ROBO2: variants seen among roughly 807,000 people sequenced by gnomAD.
The protein encoded by ROBO2 is roundabout homolog 2.
A neutral mutation model predicts 160.8 loss-of-function variants in ROBO2; 53 were observed. The ratio of observed to expected loss-of-function variants is 0.33; its 90% confidence interval spans 0.26 to 0.41. ROBO2 has a LOEUF of 0.41. Ranked by LOEUF, ROBO2 falls within the 10% of genes least tolerant of loss-of-function variation. The pLI is 1.00. For missense variants in ROBO2, 1,577 were observed against 1,722.4 expected (o/e 0.92, Z 1.49); for synonymous variants, 664 against 611.7 (o/e 1.09, Z -1.26).
rs541865035 is a variant in ROBO2, at chr3:76,170,027, G to A, written c.109+232425G>A. 3.3e-5 allele frequency among the ~76,000 whole-genome samples: 5 copies of A among 152,140 alleles called. No homozygotes were observed. In the East Asian group the frequency reaches 7.7e-4, roughly 24 times the overall value. On this transcript the variant is annotated intron_variant, in intron 2 of 26. Coordinates refer to the ROBO2 transcript ENST00000487694. ...GATCTCCTGACCTCATGATCCACTC[G>A]GCTCAGCCTCCCAACGTGCTGGGAT...
intron 2 of ROBO2, among the ~76,000 whole-genome samples, chr3:76,900,144 T>C (rs13085650): frequency 0.21 from 31,674 of 152,036 alleles, 3,492 homozygotes; most frequent in Non-Finnish European, 0.25. Context: ...ACCAGCAGAT[T>C]TCATGAGCCT....
In ROBO2 at chr3:77,247,150, A is replaced by T. The variant is rs532472612; in HGVS notation, c.388+148810A>T. On this transcript the variant is annotated intron_variant, in intron 2 of 25. Transcript: ENST00000461745. ...CTGTACAGACTGAATTCTTTAGTCC[A>T]TGTCTCGAGTTTTAAGTTTTCCATG... Among the ~76,000 whole-genome samples the T allele has an allele frequency of 2.6e-5, 4 of 152,212 alleles. No homozygotes were observed. In the East Asian group the frequency reaches 7.7e-4, roughly 29 times the overall value.
chr3:77,043,333 AT>A (rs1265335218), intron 1 of ROBO2, among the ~76,000 whole-genome samples: 1 of 152,198 alleles, frequency 6.6e-6, no homozygotes, highest in East Asian at 1.9e-4. Context: ...CTAGACACAG[AT>A]ATTAATTTTA....
intron 1 of ROBO2, among the ~76,000 whole-genome samples, chr3:77,059,539 A>G (rs2066085902): frequency 6.6e-6 from 1 of 152,204 alleles, no homozygotes. Context: ...GAAAGACCCT[A>G]TTTAAAGGTT....
intron 2 of ROBO2, among the ~76,000 whole-genome samples, chr3:76,670,124 A>T (rs867923382): frequency 6.6e-6 from 1 of 152,174 alleles, no homozygotes; most frequent in African/African-American, 2.4e-5. Context: ...TTTATGCAAA[A>T]TACCTTGTAT....
At chr3:76,087,276 A>T (rs559939710) in intron 2 of ROBO2, among the ~76,000 whole-genome samples, 4 of 152,162 alleles carry the variant, frequency 2.6e-5, no homozygotes, top group South Asian at 2.1e-4. Flanking sequence ...CCAGATTTTT[A>T]AAATACCTTA....
At chr3:77,098,779 C>G (rs942834882) in intron 2 of ROBO2, among the ~76,000 whole-genome samples, 1 of 152,014 alleles carries the variant, frequency 6.6e-6, no homozygotes, top group African/African-American at 2.4e-5. Flanking sequence ...TGGTGTGAAC[C>G]CGGGAGGCGG....
In ROBO2 at chr3:76,537,908, G is replaced by C. The variant is rs374871363; in HGVS notation, c.110-560106G>C. On this transcript the variant is annotated intron_variant, in intron 2 of 26. Coordinates refer to the ROBO2 transcript ENST00000487694. ...AAGGTGCATGGTGGAGAGACCATGA[G>C]ACTCACTGTCCAGGAGAAGAATGTC... 2.8e-4 allele frequency among the ~76,000 whole-genome samples: 42 copies of C among 152,190 alleles called. 2 individuals are homozygous for C. Among genetic ancestry groups the C allele is most frequent in the South Asian group, 2.7e-3 (13 of 4,820 alleles).
chr3:77,373,052 T>A (rs1481302198), intron 2 of ROBO2, among the ~76,000 whole-genome samples: 1 of 146,710 alleles, frequency 6.8e-6, no homozygotes, highest in Non-Finnish European at 1.5e-5. Context: ...TATAATAAAA[T>A]AAATTTTATA....
At chr3:75,984,726 G>A (rs540633498) in intron 2 of ROBO2, among the ~76,000 whole-genome samples, 4 of 151,290 alleles carry the variant, frequency 2.6e-5, no homozygotes, top group African/African-American at 7.3e-5. Context: ...AGAAGTTAAC[G>A]CTACTGGTCA....
intron 2 of ROBO2, among the ~76,000 whole-genome samples, chr3:76,153,944 T>C (rs2072307614): frequency 6.6e-6 from 1 of 152,098 alleles, no homozygotes; most frequent in Non-Finnish European, 1.5e-5. Flanking sequence ...TTGATAGTAC[T>C]TCGAGCCTAT....
rs9880848 is a variant in ROBO2, at chr3:76,698,101, C to T, written c.110-399913C>T. Among the ~76,000 whole-genome samples the T allele has an allele frequency of 5.0e-3, 656 of 131,854 alleles. 2 individuals carry two copies. Among genetic ancestry groups the T allele is most frequent in the South Asian group, 0.017 (69 of 4,172 alleles). 86.5% of individuals were successfully genotyped at this position (131,854 alleles called of 152,430 possible). Reference sequence around the variant, plus strand: ...GGAAGAATTGGATGTAGAATGCCTGCAGAAGCTCTTCTATTTTATTCACTG... The same window carrying T: ...GGAAGAATTGGATGTAGAATGCCTGTAGAAGCTCTTCTATTTTATTCACTG... On this transcript the variant is annotated intron_variant, in intron 2 of 26. Coordinates refer to the ROBO2 transcript ENST00000487694.
intron 2 of ROBO2, among the ~76,000 whole-genome samples, chr3:77,438,857 C>G (rs2079607427): frequency 6.6e-6 from 1 of 151,874 alleles, no homozygotes; most frequent in Admixed American, 6.6e-5. Context: ...TACTAAATAA[C>G]TATCATATAA....
intron 2 of ROBO2, among the ~76,000 whole-genome samples, chr3:76,043,279 C>T (rs2067334873): frequency 6.6e-6 from 1 of 151,726 alleles, no homozygotes; most frequent in Non-Finnish European, 1.5e-5. Flanking sequence ...ACATACTGTG[C>T]CCTGGAATAG....
At chr3:76,727,866 A>G (rs555785221) in intron 2 of ROBO2, among the ~76,000 whole-genome samples, 13 of 152,312 alleles carry the variant, frequency 8.5e-5, no homozygotes, top group Non-Finnish European at 1.6e-4. Context: ...GTTAACAACA[A>G]TGTATGGTAT....
intron 2 of ROBO2, among the ~76,000 whole-genome samples, chr3:77,200,321 A>T (rs200728970): frequency 0.034 from 1,859 of 54,814 alleles, 132 homozygotes; most frequent in East Asian, 0.29. Context: ...ATATATATAT[A>T]TTTTAGTTTC....
intron 2 of ROBO2, among the ~76,000 whole-genome samples, chr3:77,327,961 G>T (rs192492911): frequency 6.7e-6 from 1 of 149,522 alleles, no homozygotes; most frequent in Non-Finnish European, 1.5e-5. Context: ...TGAGGCATGA[G>T]AATCGCTTGA....
intron 2 of ROBO2, among the ~76,000 whole-genome samples, chr3:77,028,848 C>T (rs1461806016): frequency 2.6e-5 from 4 of 152,242 alleles, no homozygotes; most frequent in African/African-American, 9.6e-5. Flanking sequence ...GACATATTCT[C>T]TGTACCTTTT....
chr3:76,629,738 T>C (rs1578696178), intron 2 of ROBO2, among the ~76,000 whole-genome samples: 2 of 152,260 alleles, frequency 1.3e-5, no homozygotes, highest in Middle Eastern at 6.8e-3. Context: ...ATATTAACCA[T>C]CACACCAGTC....
Sources: allele counts gnomAD v4.1 joint callset (sites outside exome capture counted in the v4.1 genomes callset), GRCh38; gene constraint gnomAD v4.1.1; transcripts MANE v1.5; gene names NCBI Gene and HGNC (gene_info 2026-07-23, HGNC 2026-07-21).